Variants in EFL1 observed in about 807,000 individuals in gnomAD.
EFL1 encodes elongation factor-like GTPase 1.
In EFL1, 76 loss-of-function variants were observed where a neutral mutation model predicts 126.7. The observed-to-expected ratio is 0.60, with a 90% CI of 0.50 to 0.73. EFL1 has a LOEUF of 0.73. Ranked by LOEUF, EFL1 falls within the 30% of genes least tolerant of loss-of-function variation. The pLI, the probability that EFL1 is intolerant of heterozygous loss-of-function variation, is 0.00. For missense variants in EFL1, 1,128 were observed against 1,343.2 expected, an observed-to-expected ratio of 0.84 and a Z score of 2.50; for synonymous variants, 410 against 448.4, an observed-to-expected ratio of 0.91 and a Z score of 1.08.
chr15:82,176,385 T>C (rs1001662642), intron 15 of EFL1, among the ~76,000 whole-genome samples: 1 of 152,176 alleles, frequency 6.6e-6, no homozygotes, highest in African/African-American at 2.4e-5. Context: ...AGAGACATCA[T>C]TAGATGGCAG....
At chr15:82,131,564 G>C (rs1027699739) in intron 19 of EFL1, among the ~76,000 whole-genome samples, 2 of 152,220 alleles carry the variant, frequency 1.3e-5, no homozygotes, top group African/African-American at 4.8e-5. Flanking sequence ...GCTGAGGCAG[G>C]TGGATCATCT....
rs574702084 is a variant in EFL1 at position 82,191,489 on chromosome 15, G to A, written c.1750+23228C>T. On this transcript the variant is annotated intron_variant, in intron 15 of 19. Coordinates refer to ENST00000268206, the MANE Select transcript of EFL1 (RefSeq NM_024580.6). ...GATAAAAGCATTTTGAAAAGCATAC[G>A]GTACTATGAAAACATAAGGTGGTAG... Among the ~76,000 whole-genome samples, 6 of 152,086 alleles carry A rather than the reference G, an allele frequency of 3.9e-5. 1 individual carries two copies. The highest frequency in any genetic ancestry group is 6.5e-5 in the Admixed American group (1 of 15,278).
rs2074919696 is a variant in EFL1, at chr15:82,240,476, A to G, written c.458T>C (p.Val153Ala). The G allele has an allele frequency of 2.5e-6, 4 of 1,613,936 alleles. No homozygotes were observed. The East Asian group carries it at 8.9e-5, about 36-fold the overall frequency. ...CTCTTGTGGGGTGAATTTCAGTTCC[A>G]CTATCAAGCGATCAATCTTATTAAT... ...LVINKIDRLI[V>A]ELKFTPQEAY... The change falls in exon 6 of 20, where the codon GTG becomes GCG. Residue 153 changes from valine to alanine, a missense_variant. By Grantham distance (64) the Val-to-Ala change is moderately conservative. This residue lies in a region of EFL1 where 316 missense variants were observed against 318.5 expected (regional missense o/e 0.99). Coordinates refer to ENST00000268206, the MANE Select transcript of EFL1 (RefSeq NM_024580.6).
At chr15:82,259,902 A>T (rs577001566) in intron 2 of EFL1, among the ~76,000 whole-genome samples, 1 of 152,314 alleles carries the variant, frequency 6.6e-6, no homozygotes, top group Admixed American at 6.5e-5. Context: ...GAAGATATTT[A>T]ACACTGCTAT....
intron 15 of EFL1, among the ~76,000 whole-genome samples, chr15:82,214,292 A>G (rs1433861375): frequency 6.6e-6 from 1 of 152,270 alleles, no homozygotes; most frequent in Non-Finnish European, 1.5e-5. Flanking sequence ...AATCTTAGCA[A>G]AGCAATATTC....
intron 15 of EFL1, among the ~76,000 whole-genome samples, chr15:82,207,663 G>C (rs1488451145): frequency 6.6e-6 from 1 of 151,254 alleles, no homozygotes; most frequent in Non-Finnish European, 1.5e-5. Flanking sequence ...CCTATAGTAA[G>C]CAATAACTCT....
intron 7 of EFL1, among the ~76,000 whole-genome samples, chr15:82,236,950 G>A (rs1275123939): frequency 6.6e-6 from 1 of 152,232 alleles, no homozygotes; most frequent in Non-Finnish European, 1.5e-5. Flanking sequence ...GACCAGCCTG[G>A]ACAACATGGT....
rs752633297 is a variant in EFL1 at position 82,152,233 on chromosome 15, T to C, written c.2221A>G (p.Thr741Ala). ...GIQVDSDGLITITTPNKLATL... is the reference protein window; with the variant it reads ...GIQVDSDGLIAITTPNKLATL... Reference sequence around the variant, plus strand: ...GCAAGTTTATTGGGAGTTGTTATGGTGATTAGCCCGTCAGAGTCAACTTGG... The same window carrying C: ...GCAAGTTTATTGGGAGTTGTTATGGCGATTAGCCCGTCAGAGTCAACTTGG... The change falls in exon 18 of 20, where the codon ACC becomes GCC. Residue 741 changes from threonine to alanine, a missense_variant. Coordinates refer to ENST00000268206, the MANE Select transcript of EFL1 (RefSeq NM_024580.6). 2.5e-6 allele frequency: 4 copies of C among 1,614,060 alleles called. No individual in the cohort carries two copies. The highest frequency in any genetic ancestry group is 2.2e-5 in the East Asian group (1 of 44,898).
intron 15 of EFL1, among the ~76,000 whole-genome samples, chr15:82,168,555 G>A (rs2074101851): frequency 6.6e-6 from 1 of 152,194 alleles, no homozygotes; most frequent in African/African-American, 2.4e-5. Flanking sequence ...CTGTTGCCCA[G>A]ACTGGAGTGC....
chr15:82,259,393 C>T (rs1238495786), intron 2 of EFL1, among the ~76,000 whole-genome samples: 2 of 152,210 alleles, frequency 1.3e-5, no homozygotes, highest in Non-Finnish European at 2.9e-5. Flanking sequence ...TCTACTCAAC[C>T]TCATCTGAAA....
Position 82,238,433 on chromosome 15 carries a change from G to T in EFL1, c.605C>A (p.Ser202Tyr). ...RETESQVNPN[S>Y]EQGEQVYDWS... ...GTCATATACTTGCTCTCCTTGTTCA[G>T]AATTTGGATTCACTTGGGATTCAGT... The change falls in exon 7 of 20, where the codon TCT becomes TAT. Residue 202 changes from serine (S) to tyrosine (Y), a missense_variant. Around this residue, in one of 6 missense-constraint regions of EFL1, gnomAD observed 316 missense variants for 318.5 expected, o/e 0.99. Coordinates refer to ENST00000268206, the MANE Select transcript of EFL1 (RefSeq NM_024580.6). 6.2e-7 allele frequency: 1 copy of T among 1,614,146 alleles called. No individual in the cohort carries two copies. Among genetic ancestry groups the T allele is most frequent in the Non-Finnish European group, 8.5e-7 (1 of 1,180,026 alleles).
Position 82,228,210 on chromosome 15 carries a change from G to A in EFL1, c.1050C>T (p.Pro350=), listed in dbSNP as rs745407806. ...GGATACCAAGAACAGCATGGGATAT[G>A]GGTAGCCACTGACTGCAAATGGCGT... ...QINAICSQWL[P]ISHAVLAMVC... Residue 350 remains proline (P), a synonymous_variant, in exon 10 of 20, where the codon CCC becomes CCT. Transcript: ENST00000268206. 1.7e-5 allele frequency: 27 copies of A among 1,613,274 alleles called. No individual in the cohort carries two copies. In the East Asian group the frequency reaches 5.6e-4, roughly 33 times the overall value.
intron 19 of EFL1, 92 bp from the exon 20 acceptor site, chr15:82,130,653 A>G (rs2073630676): frequency 1.5e-6 from 2 of 1,379,082 alleles, no homozygotes; most frequent in South Asian, 1.4e-5. Flanking sequence ...AGTCTTAGCT[A>G]ATGAAAAAAA....
At chr15:82,164,100 G>T in intron 15 of EFL1, 116 bp from the exon 16 acceptor site, 3 of 1,322,516 alleles carry the variant, frequency 2.3e-6, no homozygotes, top group Non-Finnish European at 3.0e-6. Context: ...CTTCCAAAAT[G>T]TTGCAAGAAA....
chr15:82,134,137 A>G (rs1396466554), intron 19 of EFL1, among the ~76,000 whole-genome samples: 1 of 152,130 alleles, frequency 6.6e-6, no homozygotes, highest in Non-Finnish European at 1.5e-5. Flanking sequence ...GTATGAAGAC[A>G]TCTTCACTAC....
chr15:82,236,068 T>G (rs1312799739), intron 7 of EFL1, among the ~76,000 whole-genome samples: 3 of 152,152 alleles, frequency 2.0e-5, no homozygotes, highest in Non-Finnish European at 4.4e-5. Context: ...ATATCATTTA[T>G]AATCATTCAG....
At position 82,135,478 on chromosome 15, in the gene EFL1, G is replaced by A. The variant is rs182293595; in HGVS notation, c.3174+3180C>T. ...GTAGGCATATAGCCACCTAGAGTCC[G>A]AAGGTGGGGGCATACTTTTCCTATA... On this transcript the variant is annotated intron_variant, in intron 19 of 19. Transcript: ENST00000268206. Among the ~76,000 whole-genome samples the A allele has an allele frequency of 2.0e-4, 30 of 152,220 alleles. 1 individual carries two copies. The South Asian group carries it at 5.6e-3, about 28-fold the overall frequency.
At chr15:82,172,373 A>G (rs1030533813) in intron 15 of EFL1, among the ~76,000 whole-genome samples, 2 of 152,206 alleles carry the variant, frequency 1.3e-5, no homozygotes, top group Non-Finnish European at 2.9e-5. Context: ...CCAACAGCAC[A>G]TCACCCACAG....
intron 15 of EFL1, among the ~76,000 whole-genome samples, chr15:82,181,774 A>G (rs772556114): frequency 1.3e-5 from 2 of 152,080 alleles, no homozygotes; most frequent in Non-Finnish European, 2.9e-5. Context: ...GTTACATTCA[A>G]ATCACGTTCC....
Sources: gnomAD v4.1 joint callset for allele counts (sites outside exome capture counted in the v4.1 genomes callset) on GRCh38, gnomAD v4.1.1 for gene constraint, gnomAD v4.1.1 regional missense constraint, MANE v1.5 for transcripts, NCBI Gene and HGNC (gene_info 2026-07-23, HGNC 2026-07-21) for gene names.